Variants in ZC3H13 observed in about 807,000 individuals in gnomAD.
The protein encoded by ZC3H13 is zinc finger CCCH domain-containing protein 13.
ZC3H13 carries 64 observed loss-of-function variants against 204.1 expected under a neutral mutation model. The ratio of observed to expected loss-of-function variants is 0.31; its 90% confidence interval spans 0.26 to 0.39. The LOEUF (loss-of-function observed/expected upper bound fraction) is 0.39. Ranked by LOEUF, ZC3H13 falls within the 10% of genes least tolerant of loss-of-function variation. The probability of loss-of-function intolerance (pLI) is 1.00; values close to 1 mark genes in which losing one functional copy is unlikely to be tolerated. For missense variants in ZC3H13, 1,833 were observed against 2,082.7 expected (o/e 0.88, Z 2.33); for synonymous variants, 667 against 693.7 (o/e 0.96, Z 0.60).
chr13:46,041,366 T>C (rs1404000487), intron 4 of ZC3H13, among the ~76,000 whole-genome samples: 3 of 152,128 alleles, frequency 2.0e-5, no homozygotes, highest in African/African-American at 7.2e-5. Flanking sequence ...ATGAAATATA[T>C]AGGCAAATCT....
In ZC3H13 at chr13:45,985,318, C is replaced by A. The variant is rs1196618859; in HGVS notation, c.1699G>T (p.Val567Phe). The stretch of plus-strand genomic sequence containing the variant: ...TTACCCTTTTCAGGTAACTCAGGAA[C>A]CCTCCCCCTACTTCGGCCCATTCGG... ...NDRMGRSRGRVPELPEKGSRG... is the reference protein window; with the variant it reads ...NDRMGRSRGRFPELPEKGSRG... The change falls in exon 10 of 19, where the codon GTT (valine) becomes TTT (phenylalanine). Residue 567 changes from valine to phenylalanine, a missense_variant. Coordinates refer to ENST00000679008, the MANE Select transcript of ZC3H13 (RefSeq NM_001330564.2). 12 of 1,613,162 alleles carry A rather than the reference C, an allele frequency of 7.4e-6. No individual in the cohort carries two copies. Among genetic ancestry groups the A allele is most frequent in the Non-Finnish European group, 9.3e-6 (11 of 1,179,590 alleles).
chr13:46,025,260 T>C (rs940438359), intron 4 of ZC3H13, among the ~76,000 whole-genome samples: 4 of 152,202 alleles, frequency 2.6e-5, no homozygotes, highest in Non-Finnish European at 4.4e-5. Context: ...TCTTCTCCTA[T>C]CATCCATCTA....
At chr13:45,963,000 A>G in intron 17 of ZC3H13, 1 of 985,460 alleles carries the variant, frequency 1.0e-6, no homozygotes, top group Non-Finnish European at 1.2e-6. Context: ...AGTGAGGTCA[A>G]AAATCAGCGT....
rs2044455648 is a variant in ZC3H13 at position 46,051,900 on chromosome 13, C to T, written c.-10+504G>A. The T allele has an allele frequency of 2.0e-5, 3 of 150,678 alleles. No homozygotes were observed. The South Asian group carries it at 6.3e-4, about 31-fold the overall frequency. The allele number at this position is 150,678 out of a possible 1,614,324, so 9.3% of individuals were successfully genotyped here. On this transcript the variant is annotated intron_variant, in intron 1 of 18. Coordinates refer to ENST00000679008, the MANE Select transcript of ZC3H13 (RefSeq NM_001330564.2). The stretch of plus-strand genomic sequence containing the variant: ...ACTCTCTTCTTTCTATTCCACTTTC[C>T]CCCGTTTCTGACAGTTGCCAAAACT...
At chr13:45,964,234 C>A (rs937239399) in intron 16 of ZC3H13, among the ~76,000 whole-genome samples, 192 bp from the exon 17 acceptor site, 13 of 152,114 alleles carry the variant, frequency 8.5e-5, no homozygotes, top group Non-Finnish European at 8.8e-5. Context: ...AAATAAAAAA[C>A]CTTCCCACCA....
At chr13:45,980,289 A>C (rs1469605463) in intron 10 of ZC3H13, among the ~76,000 whole-genome samples, 2 of 152,182 alleles carry the variant, frequency 1.3e-5, no homozygotes, top group Admixed American at 6.5e-5. Context: ...CCCAAAAAAA[A>C]CAAAAAATAA....
intron 4 of ZC3H13, among the ~76,000 whole-genome samples, chr13:46,029,596 T>C (rs1040183295): frequency 4.0e-5 from 6 of 151,590 alleles, no homozygotes; most frequent in Non-Finnish European, 8.8e-5. Flanking sequence ...GCCCGGCTAA[T>C]TTTTTGTATT....
chr13:45,958,783 T>C (rs1429799313), intron 18 of ZC3H13, among the ~76,000 whole-genome samples: 11 of 150,112 alleles, frequency 7.3e-5, no homozygotes, highest in Admixed American at 4.0e-4. Context: ...GCCTCCCAAA[T>C]AGCTGGGACT....
chr13:46,003,212 C>T lies in ZC3H13; in HGVS notation c.871G>A (p.Glu291Lys), dbSNP rs2040874723. 6.2e-7 allele frequency: 1 copy of T among 1,612,750 alleles called. No homozygotes were observed. The highest frequency in any genetic ancestry group is 1.7e-5 in the Admixed American group (1 of 59,858). Residue 291 changes from glutamate to lysine, a missense_variant, in exon 8 of 19, where the codon GAA (glutamate) becomes AAA (lysine). Transcript: ENST00000679008. ...KEKYKVKDRIEEKTRDGKDRG... is the reference protein window; with the variant it reads ...KEKYKVKDRIKEKTRDGKDRG... ...TCCTTTCCATCTCTTGTTTTTTCTT[C>T]TATCCTGTCTTTTACTTTATATTTT...
Position 45,969,472 on chromosome 13 carries a change from T to C in ZC3H13, c.3072A>G (p.Gln1024=), listed in dbSNP as rs770300682. 2 of 1,611,910 alleles carry C rather than the reference T, an allele frequency of 1.2e-6. No homozygotes were observed. The highest frequency in any genetic ancestry group is 8.5e-7 in the Non-Finnish European group (1 of 1,179,544). ...SDISDEEAAQ[Q]SKKKRGPRTP... is the part of the protein sequence containing the mutation. The stretch of plus-strand genomic sequence containing the variant: ...TCCGTGGGCCTCTTTTCTTCTTACT[T>C]TGCTGGGCTGCTTCTTCATCAGAAA... The change falls in exon 14 of 19, where the codon CAA becomes CAG. Residue 1024 remains glutamine (Q), a synonymous_variant. Coordinates refer to ENST00000679008, the MANE Select transcript of ZC3H13 (RefSeq NM_001330564.2).
At position 45,957,056 on chromosome 13, in the gene ZC3H13, A is replaced by G; in HGVS notation, c.*71T>C. On this transcript the variant is annotated 3_prime_UTR_variant, in exon 19 of 19. Transcript: ENST00000679008. ...CTTTGTCACTAATGCTTGTCAAACC[A>G]AAGAACTTTGCAAAAGAATATGCAC... 7.9e-7 allele frequency: 1 copy of G among 1,265,684 alleles called. No homozygotes were observed. 78.4% of individuals were successfully genotyped at this position (1,265,684 alleles called of 1,614,324 possible).
intron 2 of ZC3H13, among the ~76,000 whole-genome samples, 159 bp from the exon 3 acceptor site, chr13:46,045,223 C>T (rs1027181666): frequency 2.0e-5 from 3 of 152,050 alleles, no homozygotes; most frequent in Non-Finnish European, 4.4e-5. Context: ...ATGGAAAAAC[C>T]CATAAACCTT....
At chr13:46,025,265 CATCT>C (rs2042472570) in intron 4 of ZC3H13, among the ~76,000 whole-genome samples, 1 of 152,012 alleles carries the variant, frequency 6.6e-6, no homozygotes, top group Admixed American at 6.6e-5. Flanking sequence ...TCCTATCATC[CATCT>C]ATCTACCTAT....
chr13:46,032,362 C>CAAAAAAAAAAAA (rs11323386), intron 4 of ZC3H13, among the ~76,000 whole-genome samples: 1 of 99,660 alleles, frequency 1.0e-5, no homozygotes, highest in Non-Finnish European at 2.2e-5. Context: ...AGAAAAAGAC[C>CAAAAAAAAAAAA]AAAAAAAAAA....
chr13:45,985,214 G>T, intron 10 of ZC3H13, 83 bp downstream of exon 10: 2 of 1,309,024 alleles, frequency 1.5e-6, no homozygotes, highest in Non-Finnish European at 2.1e-6. Flanking sequence ...GATAACAAAT[G>T]TAAGAAACAA....
intron 4 of ZC3H13, among the ~76,000 whole-genome samples, chr13:46,035,878 C>T (rs1269619199): frequency 1.3e-5 from 2 of 152,176 alleles, no homozygotes; most frequent in Non-Finnish European, 1.5e-5. Flanking sequence ...ACTTAAAAGT[C>T]CTCCACTGCA....
rs773350241 is a variant in ZC3H13 at position 45,969,536 on chromosome 13, A to G, written c.3008T>C (p.Ile1003Thr). ...SPKKGQKKKS[I>T]EKKRKKSKGD... ...TTTGGATTTTTTACGTTTTTTTTCA[A>G]TGCTTTTCTTTTTCTGTCCTTTTTT... The change falls in exon 14 of 19, where the codon ATT (isoleucine) becomes ACT (threonine). Residue 1003 changes from isoleucine to threonine, a missense_variant. Physicochemically the swap from Ile to Thr is moderately conservative, Grantham distance 89 (BLOSUM62 -1). Around this residue, in one of 5 missense-constraint regions of ZC3H13, gnomAD observed 1,574 missense variants for 1,757.2 expected, o/e 0.90. Coordinates refer to ENST00000679008, the MANE Select transcript of ZC3H13 (RefSeq NM_001330564.2). 1.2e-6 allele frequency: 2 copies of G among 1,605,754 alleles called. No individual in the cohort carries two copies. Among genetic ancestry groups the G allele is most frequent in the East Asian group, 2.2e-5 (1 of 44,828 alleles).
chr13:45,962,992 T>G (rs1951801086), intron 17 of ZC3H13: 4 of 985,376 alleles, frequency 4.1e-6, no homozygotes, highest in Non-Finnish European at 4.8e-6. Context: ...ATTGCTGCAG[T>G]GAGGTCAAAA....
Position 45,969,289 on chromosome 13 carries a change from G to A in ZC3H13, c.3255C>T (p.Ala1085=), listed in dbSNP as rs753469799. 4 of 1,613,846 alleles carry A rather than the reference G, an allele frequency of 2.5e-6. No individual in the cohort carries two copies. The Admixed American group carries it at 6.7e-5, about 27-fold the overall frequency. ...GGGTACTACCAGGAGTCGTGGCGGT[G>A]GCAGTATGCTCTGCTTCTGTCACCT... ...RTEVTEAEHT[A]TATTPGSTPS... is the part of the protein sequence containing the mutation. Residue 1085 remains alanine (A), a synonymous_variant, in exon 14 of 19, where the codon GCC becomes GCT. Transcript: ENST00000679008.
Sources: allele counts gnomAD v4.1 joint callset (sites outside exome capture counted in the v4.1 genomes callset), GRCh38; gene constraint gnomAD v4.1.1; regional missense constraint gnomAD v4.1.1; transcripts MANE v1.5; gene names NCBI Gene and HGNC (gene_info 2026-07-23, HGNC 2026-07-21).